The following TTC7A variants were observed in gnomAD, a reference collection of about 807,000 sequenced individuals.
TTC7A encodes the protein tetratricopeptide repeat protein 7A.
TTC7A carries 110 observed loss-of-function variants against 103.7 expected under a neutral mutation model. The ratio of observed to expected loss-of-function variants is 1.06; its 90% CI spans 0.91 to 1.24. The LOEUF is 1.24. Ranked by LOEUF, TTC7A falls within the 50% of genes most tolerant of loss-of-function variation. TTC7A has a pLI of 0.00. For synonymous variants in TTC7A, 521 were observed against 467.9 expected (o/e 1.11, Z -1.47); for missense variants, 1,340 against 1,116.3 (o/e 1.20, Z -2.86).
intron 11 of TTC7A, among the ~76,000 whole-genome samples, chr2:47,018,838 G>A (rs1678976176): frequency 6.6e-6 from 1 of 152,050 alleles, no homozygotes; most frequent in Non-Finnish European, 1.5e-5. Flanking sequence ...AAGAGAGAAG[G>A]AAGCACAACA....
At chr2:46,974,245 A>G (rs2104222241) in intron 3 of TTC7A, among the ~76,000 whole-genome samples, 1 of 152,368 alleles carries the variant, frequency 6.6e-6, no homozygotes, top group African/African-American at 2.4e-5. Context: ...TCCTGGGCAA[A>G]AAGCAGGGGC....
intron 18 of TTC7A, among the ~76,000 whole-genome samples, 198 bp downstream of exon 18, chr2:47,052,078 C>A (rs955456482): frequency 6.6e-6 from 1 of 152,230 alleles, no homozygotes; most frequent in African/African-American, 2.4e-5. Flanking sequence ...CCTGGGAGAG[C>A]TTCTCTGGCA....
chr2:46,957,099 C>T, intron 3 of TTC7A, 92 bp downstream of exon 3: 1 of 1,525,524 alleles, frequency 6.6e-7, no homozygotes, highest in Non-Finnish European at 9.0e-7. Flanking sequence ...TGTCCAGATT[C>T]TTCACCCCTG....
chr2:46,995,028 C>T (rs547425262), intron 7 of TTC7A, 108 bp from the exon 8 acceptor site: 2 of 1,002,844 alleles, frequency 2.0e-6, no homozygotes, highest in East Asian at 2.6e-5. Context: ...GAAGAGGTCA[C>T]CTTACCGAGC....
At chr2:46,918,528 C>A (rs919296769) in intron 2 of TTC7A, among the ~76,000 whole-genome samples, 2 of 152,158 alleles carry the variant, frequency 1.3e-5, no homozygotes, top group African/African-American at 2.4e-5. Context: ...GTAGCTGAAC[C>A]CATTCCTAAC....
At chr2:46,958,386 A>G (rs1309416147) in intron 3 of TTC7A, 9 of 812,434 alleles carry the variant, frequency 1.1e-5, no homozygotes, top group Non-Finnish European at 1.7e-5. Context: ...CCCTTCAGCC[A>G]TGGACGCCCT....
At chr2:47,039,876 G>C (rs781250157) in intron 15 of TTC7A, among the ~76,000 whole-genome samples, 22 of 152,202 alleles carry the variant, frequency 1.4e-4, no homozygotes, top group Non-Finnish European at 2.6e-4. Flanking sequence ...GGGGAACAGA[G>C]ACACCAACCT....
intron 18 of TTC7A, among the ~76,000 whole-genome samples, chr2:47,056,506 C>CA: frequency 6.6e-6 from 1 of 152,214 alleles, no homozygotes; most frequent in African/African-American, 2.4e-5. Flanking sequence ...AAGGCCCTCC[C>CA]TGCAAAGGGG....
Position 46,991,273 on chromosome 2 carries a change from A to G in TTC7A, c.765-2177A>G, listed in dbSNP as rs184632505. ...TGGGGGTCTCAGAATTTGCATTTCTAACAAGTCCCTGGGATACGGACGCTG... is the reference window on the plus strand; with the variant it reads ...TGGGGGTCTCAGAATTTGCATTTCTGACAAGTCCCTGGGATACGGACGCTG... On this transcript the variant is annotated intron_variant, in intron 5 of 19. Transcript: ENST00000319190. 6.8e-3 allele frequency among the ~76,000 whole-genome samples: 1,031 copies of G among 152,168 alleles called. 12 individuals carry two copies. The highest frequency in any genetic ancestry group is 7.0e-3 in the Admixed American group (107 of 15,294).
intron 18 of TTC7A, among the ~76,000 whole-genome samples, chr2:47,055,633 C>T (rs536986790): frequency 1.3e-4 from 20 of 152,256 alleles, no homozygotes; most frequent in South Asian, 8.3e-4. Flanking sequence ...GAGCAGGAGA[C>T]GCATGTAGGG....
intron 16 of TTC7A, among the ~76,000 whole-genome samples, chr2:47,048,099 C>G (rs1018105932): frequency 3.9e-4 from 60 of 152,196 alleles, no homozygotes; most frequent in African/African-American, 1.3e-3. Flanking sequence ...CAGCCCCACA[C>G]TGCTGGTCTC....
At chr2:46,968,659 C>A (rs779408853) in intron 3 of TTC7A, among the ~76,000 whole-genome samples, 1 of 152,146 alleles carries the variant, frequency 6.6e-6, no homozygotes, top group African/African-American at 2.4e-5. Flanking sequence ...TATAGAGGAC[C>A]GCCTCCGTGA....
At chr2:46,961,769 G>T (rs1454829087) in intron 3 of TTC7A, among the ~76,000 whole-genome samples, 3 of 151,716 alleles carry the variant, frequency 2.0e-5, no homozygotes, top group African/African-American at 7.3e-5. Flanking sequence ...CAAAAAATTA[G>T]CTGGTCATGG....
At chr2:47,053,882 CTTGT>C (rs1333584366) in intron 18 of TTC7A, among the ~76,000 whole-genome samples, 3 of 152,034 alleles carry the variant, frequency 2.0e-5, no homozygotes, top group South Asian at 2.1e-4. Context: ...CCTGATTTGT[CTTGT>C]TTGTTTACTA....
At chr2:47,043,162 G>A (rs1458551959) in intron 15 of TTC7A, among the ~76,000 whole-genome samples, 1 of 152,250 alleles carries the variant, frequency 6.6e-6, no homozygotes, top group Admixed American at 6.5e-5. Flanking sequence ...GAGGGGGCCT[G>A]TGCTCCTTAG....
intron 15 of TTC7A, among the ~76,000 whole-genome samples, chr2:47,031,389 T>C (rs12617529): frequency 0.45 from 67,957 of 152,060 alleles, 16,453 homozygotes; most frequent in East Asian, 0.67. Context: ...CAGCTCCATC[T>C]GCGCACCTCT....
At chr2:46,953,878 G>C (rs1171920027) in intron 2 of TTC7A, among the ~76,000 whole-genome samples, 1 of 149,726 alleles carries the variant, frequency 6.7e-6, no homozygotes, top group Admixed American at 6.7e-5. Flanking sequence ...TCTCAGGCTG[G>C]TCTCAGATTC....
rs561359072 is a variant in TTC7A, at chr2:46,959,244, T to C, written c.517+2237T>C. On this transcript the variant is annotated intron_variant, in intron 3 of 19. Transcript: ENST00000319190. The stretch of plus-strand genomic sequence containing the variant: ...ACTCAGGACATCAGTTAGCATGTAT[T>C]TGAACTGGAGTCCTCCTTCCCAGGC... Among the ~76,000 whole-genome samples, 3 of 152,268 alleles carry C rather than the reference T, an allele frequency of 2.0e-5. No homozygotes were observed. In the South Asian group the frequency reaches 6.2e-4, roughly 32 times the overall value.
At chr2:46,990,976 G>C (rs556968145) in intron 5 of TTC7A, among the ~76,000 whole-genome samples, 1 of 152,174 alleles carries the variant, frequency 6.6e-6, no homozygotes, top group East Asian at 1.9e-4. Context: ...GCAGTGATGC[G>C]ATTTCAGCTC....
Sources: gnomAD v4.1 joint callset for allele counts (sites outside exome capture counted in the v4.1 genomes callset) on GRCh38, gnomAD v4.1.1 for gene constraint, MANE v1.5 for transcripts, NCBI Gene and HGNC (gene_info 2026-07-23, HGNC 2026-07-21) for gene names.